ADAMTSL1: variants seen among roughly 807,000 people sequenced by gnomAD.
ADAMTSL1 encodes the protein ADAMTS like 1, also known as ADAMTS-like protein 1.
ADAMTSL1 carries 126 observed loss-of-function variants against 201.8 expected under a neutral mutation model. The ratio of observed to expected loss-of-function variants is 0.62; its 90% confidence interval spans 0.54 to 0.72. The LOEUF (loss-of-function observed/expected upper bound fraction) is 0.72. Ranked by LOEUF, ADAMTSL1 falls within the 30% of genes least tolerant of loss-of-function variation. The pLI is 0.00. For missense variants in ADAMTSL1, 2,679 were observed against 2,277.8 expected, an observed-to-expected ratio of 1.18 and a Z score of -3.59; for synonymous variants, 1,121 against 903.4, an observed-to-expected ratio of 1.24 and a Z score of -4.32.
At chr9:18,028,101 A>G (rs920105203) in intron 1 of ADAMTSL1, among the ~76,000 whole-genome samples, 3 of 151,988 alleles carry the variant, frequency 2.0e-5, no homozygotes, top group Non-Finnish European at 2.9e-5. Context: ...ATGGGTGTCA[A>G]TGCATGTGAG....
intron 2 of ADAMTSL1, among the ~76,000 whole-genome samples, chr9:18,356,776 T>G (rs145163283): frequency 7.5e-4 from 114 of 152,080 alleles, no homozygotes; most frequent in African/African-American, 2.7e-3. Flanking sequence ...TCTAAGTAAA[T>G]GAAGATTTAG....
intron 2 of ADAMTSL1, among the ~76,000 whole-genome samples, chr9:18,260,851 G>A (rs936079960): frequency 4.6e-4 from 70 of 151,954 alleles, no homozygotes; most frequent in African/African-American, 1.6e-3. Context: ...CCTAGCTCCC[G>A]TCTCCTGAAG....
intron 1 of ADAMTSL1, among the ~76,000 whole-genome samples, chr9:18,474,733 A>G (rs1443364156): frequency 2.0e-5 from 3 of 152,160 alleles, no homozygotes; most frequent in Admixed American, 6.5e-5. Flanking sequence ...CTTTCCATCT[A>G]TGCACATGTA....
In ADAMTSL1 at chr9:18,269,183, C is replaced by T. The variant is rs549736897; in HGVS notation, c.207+105202C>T. Among the ~76,000 whole-genome samples, 108 of 152,168 alleles carry T rather than the reference C, an allele frequency of 7.1e-4. No homozygotes were observed. The South Asian group carries it at 0.021, about 29-fold the overall frequency. ...ATAAAGTAATGTGATATATTATGCTCAATAAAATTTGTAGACTCTTGCTTC... is the reference window on the plus strand; with the variant it reads ...ATAAAGTAATGTGATATATTATGCTTAATAAAATTTGTAGACTCTTGCTTC... On this transcript the variant is annotated intron_variant, in intron 2 of 29. Coordinates refer to the ADAMTSL1 transcript ENST00000680146.
intron 1 of ADAMTSL1, among the ~76,000 whole-genome samples, chr9:18,069,680 T>A (rs1822869046): frequency 6.6e-6 from 1 of 152,190 alleles, no homozygotes; most frequent in South Asian, 2.1e-4. Flanking sequence ...AATACTGTGA[T>A]CTGATTGGAT....
At chr9:18,022,522 G>A (rs1207660846) in intron 1 of ADAMTSL1, among the ~76,000 whole-genome samples, 4 of 151,860 alleles carry the variant, frequency 2.6e-5, no homozygotes, top group Admixed American at 6.6e-5. Flanking sequence ...CTAGGTTGTC[G>A]CATAAAGAAA....
At chr9:18,732,248 G>A (rs1818257283) in intron 15 of ADAMTSL1, among the ~76,000 whole-genome samples, 3 of 152,118 alleles carry the variant, frequency 2.0e-5, no homozygotes, top group Admixed American at 6.5e-5. Flanking sequence ...CCACTAGTAT[G>A]GGGCAGGGTA....
chr9:18,261,775 A>G (rs868065551), intron 2 of ADAMTSL1, among the ~76,000 whole-genome samples: 8 of 152,332 alleles, frequency 5.3e-5, no homozygotes, highest in Middle Eastern at 6.8e-3. Context: ...GAAGAGAACT[A>G]TTGTAGGTGG....
intron 2 of ADAMTSL1, among the ~76,000 whole-genome samples, chr9:18,462,639 G>A (rs1356599291): frequency 1.3e-5 from 2 of 152,054 alleles, no homozygotes; most frequent in East Asian, 3.9e-4. Flanking sequence ...GATTTAATCA[G>A]TAGAAGAAGG....
chr9:18,886,796 A>T (rs989407979), intron 23 of ADAMTSL1, among the ~76,000 whole-genome samples: 5 of 152,190 alleles, frequency 3.3e-5, no homozygotes, highest in African/African-American at 1.2e-4. Context: ...ATTCAATATG[A>T]ATCTAGGGGG....
intron 23 of ADAMTSL1, among the ~76,000 whole-genome samples, chr9:18,866,130 A>AAAAAAAAAAAAAAAAAAAG (rs397971826): frequency 6.6e-6 from 1 of 151,068 alleles, no homozygotes; most frequent in African/African-American, 2.4e-5. Context: ...AAAAAAAAAA[A>AAAAAAAAAAAAAAAAAAAG]TGACGGATAC....
chr9:18,898,531 A>G (rs977991162), intron 26 of ADAMTSL1, among the ~76,000 whole-genome samples: 3 of 152,246 alleles, frequency 2.0e-5, no homozygotes, highest in African/African-American at 7.2e-5. Flanking sequence ...AAAAAGACCA[A>G]ACCTATGACT....
intron 1 of ADAMTSL1, among the ~76,000 whole-genome samples, chr9:18,098,658 A>C (rs201417034): frequency 6.6e-6 from 1 of 152,216 alleles, no homozygotes. Flanking sequence ...ACATGCTAAC[A>C]ACTTCATTTC....
intron 20 of ADAMTSL1, among the ~76,000 whole-genome samples, chr9:18,808,026 ATTT>A (rs1344067887): frequency 6.6e-6 from 1 of 152,010 alleles, no homozygotes; most frequent in African/African-American, 2.4e-5. Flanking sequence ...GCTTATGTTG[ATTT>A]TTTTTAAGTT....
chr9:18,668,472 T>TTTTA (rs1829606757), intron 9 of ADAMTSL1, among the ~76,000 whole-genome samples: 1 of 152,204 alleles, frequency 6.6e-6, no homozygotes, highest in Non-Finnish European at 1.5e-5. Context: ...CTTTAAAGTT[T>TTTTA]TTTAAAGTGT....
At chr9:18,547,657 C>T (rs963787552) in intron 3 of ADAMTSL1, among the ~76,000 whole-genome samples, 4 of 123,556 alleles carry the variant, frequency 3.2e-5, no homozygotes, top group African/African-American at 1.0e-4. Context: ...AAAAAAAAGA[C>T]AGTTGCCAGT....
intron 26 of ADAMTSL1, among the ~76,000 whole-genome samples, chr9:18,897,365 C>G (rs556216498): frequency 1.9e-4 from 29 of 152,330 alleles, no homozygotes; most frequent in African/African-American, 6.3e-4. Context: ...ACCAAAAAAA[C>G]AGCCAGACTG....
intron 1 of ADAMTSL1, among the ~76,000 whole-genome samples, chr9:18,099,001 A>G (rs1335268054): frequency 1.3e-5 from 2 of 151,570 alleles, no homozygotes; most frequent in Non-Finnish European, 1.5e-5. Context: ...TGCCTTATAT[A>G]TTTGATTCAG....
chr9:18,904,580 G>A (rs1284141005), intron 26 of ADAMTSL1, among the ~76,000 whole-genome samples: 2 of 137,170 alleles, frequency 1.5e-5, no homozygotes, highest in Non-Finnish European at 3.0e-5. Context: ...GCTGCAGTGA[G>A]CTGAGATTGT....
Sources: allele counts gnomAD v4.1 joint callset (sites outside exome capture counted in the v4.1 genomes callset), GRCh38; gene constraint gnomAD v4.1.1; transcripts MANE v1.5; gene names NCBI Gene and HGNC (gene_info 2026-07-23, HGNC 2026-07-21).